The following EDNRB variants were observed in gnomAD, a reference collection of about 807,000 sequenced individuals.
The protein encoded by EDNRB is Hirschsprung disease 2.
A neutral mutation model predicts 46.4 loss-of-function variants in EDNRB; 18 were observed. That is an observed-to-expected ratio of 0.39 (90% confidence interval 0.27 to 0.57). The LOEUF (loss-of-function observed/expected upper bound fraction) is 0.57, where lower values mean the gene tolerates loss of function less well. EDNRB is among the 20% of genes least tolerant of loss of function. The probability of loss-of-function intolerance (pLI) is 0.61; values close to 1 mark genes in which losing one functional copy is unlikely to be tolerated. For missense variants in EDNRB, 434 were observed against 537.5 expected (o/e 0.81, Z 1.90); for synonymous variants, 213 against 204.9 (o/e 1.04, Z -0.34).
Position 77,896,712 on chromosome 13 carries a change from T to C in EDNRB, c.*1488A>G, listed in dbSNP as rs1341105742. Reference sequence around the variant, plus strand: ...CTTTTGCATTGATGTGACGAGGCAATGACGAACGTTAGGCTAAGAATGGGA... The same window carrying C: ...CTTTTGCATTGATGTGACGAGGCAACGACGAACGTTAGGCTAAGAATGGGA... On this transcript the variant is annotated 3_prime_UTR_variant, in exon 7 of 7. Transcript: ENST00000646607. 1.4e-6 allele frequency: 2 copies of C among 1,410,216 alleles called. No homozygotes were observed. The highest frequency in any genetic ancestry group is 1.6e-5 in the South Asian group (1 of 63,300). The allele number at this position is 1,410,216 out of a possible 1,614,324, so 87.4% of individuals were successfully genotyped here. A position where few individuals can be genotyped will look rare whatever the true frequency, so the allele number is the denominator to read the frequency against.
At chr13:77,975,517 C>T (rs182142328) in exon 1 of EDNRB, 2 of 152,322 alleles carry the variant, frequency 1.3e-5, no homozygotes, top group Non-Finnish European at 2.9e-5. Context: ...GCCAGAGTCC[C>T]CCACCGGAAT....
intron 3 of EDNRB, among the ~76,000 whole-genome samples, chr13:77,901,528 G>A (rs1043427391): frequency 2.6e-5 from 4 of 151,956 alleles, no homozygotes; most frequent in Non-Finnish European, 5.9e-5. Flanking sequence ...TATCCTTAGA[G>A]TATTTTTTGT....
chr13:77,957,800 C>T (rs1313743892), intron 1 of EDNRB, among the ~76,000 whole-genome samples: 1 of 152,174 alleles, frequency 6.6e-6, no homozygotes, highest in Non-Finnish European at 1.5e-5. Context: ...TCACAGCATT[C>T]ACGACTTTGG....
chr13:77,946,338 A>G (rs950940556), intron 1 of EDNRB, among the ~76,000 whole-genome samples: 7 of 152,184 alleles, frequency 4.6e-5, no homozygotes, highest in Admixed American at 3.9e-4. Flanking sequence ...GGTACAGAGG[A>G]GATACGGAAG....
intron 1 of EDNRB, among the ~76,000 whole-genome samples, chr13:77,912,890 A>T (rs1027363335): frequency 1.3e-5 from 2 of 152,106 alleles, no homozygotes; most frequent in African/African-American, 4.8e-5. Context: ...TTAAACTGGG[A>T]TAAATTAGAC....
chr13:77,944,568 C>T lies in EDNRB; in HGVS notation c.-51-25944G>A, dbSNP rs12720142. On this transcript the variant is annotated intron_variant, in intron 1 of 7. Coordinates refer to the EDNRB transcript ENST00000646948. Reference sequence around the variant, plus strand: ...ATAAATAGGTGCACATAAATTCCAACGGAAGTCAGAATATAGTAAATGCAT... The same window carrying T: ...ATAAATAGGTGCACATAAATTCCAATGGAAGTCAGAATATAGTAAATGCAT... Among the ~76,000 whole-genome samples, 1,371 of 151,842 alleles carry T rather than the reference C, an allele frequency of 9.0e-3. 13 individuals are homozygous for T. Among genetic ancestry groups the T allele is most frequent in the Non-Finnish European group, 0.012 (806 of 67,932 alleles).
In EDNRB at chr13:77,903,528, G is replaced by C; in HGVS notation, c.563C>G (p.Thr188Ser). Residue 188 changes from threonine to serine, a missense_variant, in exon 2 of 7, where the codon ACT becomes AGT. Physicochemically the swap from Thr to Ser is moderately conservative, Grantham distance 58. Coordinates refer to ENST00000646607, the MANE Select transcript of EDNRB (RefSeq NM_001122659.3). ...ACTCAGAGCACATAGACTCAGCACA[G>C]TGATTCCCACAGAGGCTTTCTGTAT... is the stretch of plus-strand genomic sequence containing the variant. ...PFIQKASVGI[T>S]VLSLCALSID... The C allele has an allele frequency of 6.2e-7, 1 of 1,612,936 alleles. No homozygotes were observed. The highest frequency in any genetic ancestry group is 1.1e-5 in the South Asian group (1 of 91,062).
At chr13:77,921,109 T>C (rs993347208), upstream of EDNRB, among the ~76,000 whole-genome samples, 3 of 152,218 alleles carry the variant, frequency 2.0e-5, no homozygotes, top group Non-Finnish European at 4.4e-5. Flanking sequence ...GAGACATCTA[T>C]GGGTCACTAT....
intron 2 of EDNRB, 44 bp downstream of exon 2, chr13:77,903,451 T>C: frequency 6.2e-7 from 1 of 1,603,570 alleles, no homozygotes; most frequent in Non-Finnish European, 8.5e-7. Context: ...TGGAAAACAA[T>C]AGTATATATT....
intron 1 of EDNRB, chr13:77,947,487 C>CTTTTTA (rs780289400): frequency 6.6e-6 from 1 of 151,908 alleles, no homozygotes; most frequent in Non-Finnish European, 1.5e-5. Flanking sequence ...GAAACTTTGT[C>CTTTTTA]TTTTTATTTT....
At chr13:77,945,875 C>CAAAAAAAA (rs1566331406) in intron 1 of EDNRB, among the ~76,000 whole-genome samples, 2 of 71,240 alleles carry the variant, frequency 2.8e-5, no homozygotes, top group Admixed American at 1.4e-4. Flanking sequence ...ATGCAAAAAA[C>CAAAAAAAA]CAAAAAAAAA....
chr13:77,927,030 G>A (rs7358970), intron 1 of EDNRB, among the ~76,000 whole-genome samples: 8,365 of 152,240 alleles, frequency 0.055, 336 homozygotes, highest in Middle Eastern at 0.11. Flanking sequence ...ATTATTTCCC[G>A]CCAGGTATCT....
chr13:77,964,315 T>C (rs887581196), intron 1 of EDNRB, among the ~76,000 whole-genome samples: 1 of 152,158 alleles, frequency 6.6e-6, no homozygotes, highest in Non-Finnish European at 1.5e-5. Flanking sequence ...TAAAGACACA[T>C]GCTATAAAGA....
At chr13:77,966,936 C>G (rs1314039240) in intron 1 of EDNRB, among the ~76,000 whole-genome samples, 2 of 152,028 alleles carry the variant, frequency 1.3e-5, no homozygotes, top group Non-Finnish European at 2.9e-5. Context: ...TCTTATTAGT[C>G]AAAACCCTTA....
intron 1 of EDNRB, among the ~76,000 whole-genome samples, chr13:77,912,296 A>C (rs1238411762): frequency 6.6e-6 from 1 of 152,078 alleles, no homozygotes; most frequent in Non-Finnish European, 1.5e-5. Flanking sequence ...TCAAAGGCAC[A>C]CACAAGAAAT....
intron 1 of EDNRB, among the ~76,000 whole-genome samples, chr13:77,973,823 A>G (rs1373574375): frequency 2.6e-5 from 4 of 151,998 alleles, no homozygotes; most frequent in African/African-American, 9.7e-5. Flanking sequence ...AACATGCTTC[A>G]ACTTTCTGAC....
At chr13:77,916,453 T>G (rs12720180) in intron 1 of EDNRB, among the ~76,000 whole-genome samples, 53 of 152,300 alleles carry the variant, frequency 3.5e-4, no homozygotes, top group African/African-American at 1.1e-3. Context: ...ATCCTCACAG[T>G]TCATCAGAAT....
chr13:77,942,654 C>G (rs929875386), intron 1 of EDNRB, among the ~76,000 whole-genome samples: 2 of 152,024 alleles, frequency 1.3e-5, no homozygotes, highest in African/African-American at 4.8e-5. Flanking sequence ...TTTATTCAAC[C>G]TTAGAAATAA....
Position 77,897,089 on chromosome 13 carries a change from T to C in EDNRB, c.*1111A>G. The C allele has an allele frequency of 7.1e-6, 7 of 985,812 alleles. No individual in the cohort carries two copies. Among genetic ancestry groups the C allele is most frequent in the Non-Finnish European group, 8.4e-6 (7 of 830,274 alleles). 61.1% of individuals were successfully genotyped at this position (985,812 alleles called of 1,614,324 possible). A position where few individuals can be genotyped will look rare whatever the true frequency, so the allele number is the denominator to read the frequency against. On this transcript the variant is annotated 3_prime_UTR_variant, in exon 7 of 7. Transcript: ENST00000646607. Reference sequence around the variant, plus strand: ...GCATTATACATATGCTAGAAACCATTTTAACCACAGCATGGGTGAGAGAGG... The same window carrying C: ...GCATTATACATATGCTAGAAACCATCTTAACCACAGCATGGGTGAGAGAGG...
Sources: gnomAD v4.1 joint callset for allele counts (sites outside exome capture counted in the v4.1 genomes callset) on GRCh38, gnomAD v4.1.1 for gene constraint, MANE v1.5 for transcripts, NCBI Gene and HGNC (gene_info 2026-07-23, HGNC 2026-07-21) for gene names.